FOCAD: variants seen among roughly 807,000 people sequenced by gnomAD.
FOCAD encodes focadhesin, also known as KIAA1797.
Under a neutral mutation model 225.6 loss-of-function variants are expected in FOCAD, and 198 were observed. That is an observed-to-expected ratio of 0.88 (90% CI 0.78 to 0.99). The LOEUF is 0.99. Among genes scored for constraint, FOCAD ranks in the 50% least tolerant of loss-of-function variants. FOCAD has a pLI of 0.00. For synonymous variants in FOCAD, 897 were observed against 755.0 expected, an observed-to-expected ratio of 1.19 and a Z score of -3.08; for missense variants, 2,713 against 2,123.6, an observed-to-expected ratio of 1.28 and a Z score of -5.46.
Position 20,867,067 on chromosome 9 carries a change from T to G in FOCAD, c.2190+55T>G, listed in dbSNP as rs970526921. ...TCTTAATTTGCTAGGGTTTACAACT[T>G]TTTCTCTCTCATCTTAGGAGATACT... On this transcript the variant is annotated intron_variant, in intron 18 of 43. Coordinates refer to ENST00000338382, the MANE Select transcript of FOCAD (RefSeq NM_001375567.1). 6 of 1,186,098 alleles carry G rather than the reference T, an allele frequency of 5.1e-6. No individual in the cohort carries two copies. The African/African-American group carries it at 9.2e-5, about 18-fold the overall frequency. 73.5% of individuals were successfully genotyped at this position (1,186,098 alleles called of 1,614,324 possible).
At position 20,663,402 on chromosome 9, in the gene FOCAD, G is replaced by T. The variant is rs551101754; in HGVS notation, c.-78+4576G>T. On this transcript the variant is annotated intron_variant, in intron 2 of 45. Transcript: ENST00000380249. ...AATAAATAATATAAAAAATTAAGAGGCACTCTTTTCCTTAACGAAATATTT... is the reference window on the plus strand; with the variant it reads ...AATAAATAATATAAAAAATTAAGAGTCACTCTTTTCCTTAACGAAATATTT... Among the ~76,000 whole-genome samples the T allele has an allele frequency of 2.0e-5, 3 of 150,936 alleles. No homozygotes were observed. The East Asian group carries it at 5.9e-4, about 29-fold the overall frequency.
chr9:20,975,104 G>C (rs1840115188), intron 35 of FOCAD, among the ~76,000 whole-genome samples: 1 of 151,872 alleles, frequency 6.6e-6, no homozygotes, highest in Non-Finnish European at 1.5e-5. Context: ...TCTTTCTGCT[G>C]ATGCTAATTT....
chr9:20,739,835 C>T (rs1359999541), intron 4 of FOCAD, among the ~76,000 whole-genome samples: 3 of 152,084 alleles, frequency 2.0e-5, no homozygotes, highest in African/African-American at 7.2e-5. Context: ...TTCCCTGGCC[C>T]ACTTTTTAGA....
At chr9:20,817,481 TCAAGG>T (rs1331309275) in intron 11 of FOCAD, among the ~76,000 whole-genome samples, 1 of 152,120 alleles carries the variant, frequency 6.6e-6, no homozygotes, top group Non-Finnish European at 1.5e-5. Context: ...CATAATGTTT[TCAAGG>T]TTCATCCATG....
chr9:20,850,450 A>C (rs954319131), intron 15 of FOCAD, among the ~76,000 whole-genome samples: 4 of 151,858 alleles, frequency 2.6e-5, no homozygotes, highest in Admixed American at 2.6e-4. Context: ...GGATGATGGT[A>C]GATATAAATT....
At chr9:20,796,005 C>T (rs1235484753) in intron 11 of FOCAD, among the ~76,000 whole-genome samples, 2 of 151,570 alleles carry the variant, frequency 1.3e-5, no homozygotes, top group African/African-American at 4.9e-5. Context: ...TGATGTTCCC[C>T]TTCCTGTGTC....
intron 4 of FOCAD, among the ~76,000 whole-genome samples, chr9:20,730,714 C>T (rs1043101201): frequency 2.6e-5 from 4 of 152,128 alleles, no homozygotes; most frequent in African/African-American, 9.7e-5. Flanking sequence ...AATATTAAGT[C>T]ATAGGAACCA....
chr9:20,690,077 G>C (rs779005512), intron 1 of FOCAD, among the ~76,000 whole-genome samples: 12 of 152,158 alleles, frequency 7.9e-5, no homozygotes, highest in Non-Finnish European at 1.5e-4. Flanking sequence ...GGTCAATTCT[G>C]GGCCCAGAGG....
intron 32 of FOCAD, among the ~76,000 whole-genome samples, chr9:20,949,235 A>G (rs1587698683): frequency 1.3e-5 from 2 of 152,238 alleles, no homozygotes; most frequent in African/African-American, 4.8e-5. Context: ...GTTATTTGCA[A>G]GAAACTCCAT....
Position 20,908,480 on chromosome 9 carries a change from A to T in FOCAD, c.2718+1238A>T, listed in dbSNP as rs191457896. Reference sequence around the variant, plus strand: ...AGTGAATAGGGGACCAGGAATCTCCATGTTTTACAAGCTGCCAGGTGATTT... The same window carrying T: ...AGTGAATAGGGGACCAGGAATCTCCTTGTTTTACAAGCTGCCAGGTGATTT... On this transcript the variant is annotated intron_variant, in intron 22 of 43. Coordinates refer to ENST00000338382, the MANE Select transcript of FOCAD (RefSeq NM_001375567.1). 3.6e-3 allele frequency among the ~76,000 whole-genome samples: 548 copies of T among 152,248 alleles called. 10 individuals are homozygous for T. Among genetic ancestry groups the T allele is most frequent in the Non-Finnish European group, 1.6e-3 (110 of 67,990 alleles).
chr9:20,898,644 A>T (rs1350608977), intron 21 of FOCAD, among the ~76,000 whole-genome samples: 1 of 151,784 alleles, frequency 6.6e-6, no homozygotes, highest in East Asian at 1.9e-4. Context: ...ATTATCTTTT[A>T]TGGCCTTTAG....
intron 15 of FOCAD, among the ~76,000 whole-genome samples, chr9:20,846,203 G>C (rs1231807114): frequency 6.6e-6 from 1 of 151,980 alleles, no homozygotes; most frequent in Non-Finnish European, 1.5e-5. Flanking sequence ...GGTTTCTGAG[G>C]GCTGAAACTA....
intron 26 of FOCAD, among the ~76,000 whole-genome samples, chr9:20,927,284 T>A (rs1835044508): frequency 6.6e-6 from 1 of 152,152 alleles, no homozygotes; most frequent in Admixed American, 6.6e-5. Context: ...TTGTCCTGAT[T>A]TATAAAATGA....
intron 24 of FOCAD, among the ~76,000 whole-genome samples, chr9:20,917,587 A>G (rs1052284360): frequency 5.3e-5 from 8 of 152,068 alleles, no homozygotes; most frequent in Non-Finnish European, 1.0e-4. Context: ...GTTACATGCC[A>G]GTTACACTCC....
chr9:20,942,618 C>G (rs1256900432), intron 28 of FOCAD, among the ~76,000 whole-genome samples: 5 of 152,260 alleles, frequency 3.3e-5, no homozygotes. Flanking sequence ...GATCTTCTCT[C>G]TACTCTAGAC....
chr9:20,737,736 T>C (rs1211493014), intron 4 of FOCAD, among the ~76,000 whole-genome samples: 1 of 152,204 alleles, frequency 6.6e-6, no homozygotes, highest in Admixed American at 6.5e-5. Context: ...TATTTCATGG[T>C]ATCATTTAAC....
chr9:20,810,075 A>T (rs1822890400), intron 11 of FOCAD, among the ~76,000 whole-genome samples: 1 of 152,142 alleles, frequency 6.6e-6, no homozygotes, highest in African/African-American at 2.4e-5. Context: ...ATTACAGTGA[A>T]AGGATAGAAA....
intron 40 of FOCAD, among the ~76,000 whole-genome samples, chr9:20,987,324 A>G (rs1032670188): frequency 1.3e-5 from 2 of 152,144 alleles, no homozygotes; most frequent in Non-Finnish European, 2.9e-5. Context: ...CCTGGCCCAC[A>G]TGGTGAAACC....
At chr9:20,929,330 C>A (rs755595209) in intron 26 of FOCAD, 28 bp from the exon 27 acceptor site, 11 of 1,579,382 alleles carry the variant, frequency 7.0e-6, no homozygotes, top group Non-Finnish European at 9.6e-6. Context: ...TAAGGCTAAC[C>A]CTGTTTTCTT....
Sources: allele counts gnomAD v4.1 joint callset (sites outside exome capture counted in the v4.1 genomes callset), GRCh38; gene constraint gnomAD v4.1.1; transcripts MANE v1.5; gene names NCBI Gene and HGNC (gene_info 2026-07-23, HGNC 2026-07-21).